Variants in INPP5B observed in about 807,000 individuals in gnomAD.
INPP5B encodes the protein inositol polyphosphate-5-phosphatase B, also known as type II inositol 1,4,5-trisphosphate 5-phosphatase.
A neutral mutation model predicts 118.5 loss-of-function variants in INPP5B; 90 were observed. The ratio of observed to expected loss-of-function variants is 0.76; its 90% CI spans 0.64 to 0.90. INPP5B has a LOEUF of 0.90. INPP5B is among the 40% of genes least tolerant of loss of function. The pLI, the probability that INPP5B is intolerant of heterozygous loss-of-function variation, is 0.00. For synonymous variants in INPP5B, 385 were observed against 418.9 expected (o/e 0.92, Z 0.99); for missense variants, 984 against 1,125.6 (o/e 0.87, Z 1.80).
intron 6 of INPP5B, among the ~76,000 whole-genome samples, chr1:37,935,200 CAA>C (rs537054117): frequency 2.0e-5 from 2 of 99,000 alleles, no homozygotes. Context: ...GACTCCATCT[CAA>C]AAAAAAAAAG....
Position 37,946,240 on chromosome 1 carries a change from C to T in INPP5B, c.57+12G>A, listed in dbSNP as rs371116949. ...GGCAGGCTCAGGGCCGCAGTTAGCACAGGAAGGATATGATGACGCAGTATT... is the reference window on the plus strand; with the variant it reads ...GGCAGGCTCAGGGCCGCAGTTAGCATAGGAAGGATATGATGACGCAGTATT... On this transcript the variant is annotated intron_variant, in intron 2 of 23. Transcript: ENST00000373024. 8.7e-5 allele frequency: 140 copies of T among 1,608,096 alleles called. No individual in the cohort carries two copies. The African/African-American group carries it at 1.7e-3, about 20-fold the overall frequency.
At chr1:37,915,623 C>G (rs550449513) in intron 7 of INPP5B, among the ~76,000 whole-genome samples, 3 of 152,202 alleles carry the variant, frequency 2.0e-5, no homozygotes, top group Non-Finnish European at 2.9e-5. Context: ...AGATACCACA[C>G]TTATAAATAT....
At position 37,931,972 on chromosome 1, in the gene INPP5B, G is replaced by T; in HGVS notation, c.473C>A (p.Thr158Lys). 1 of 1,613,990 alleles carries T rather than the reference G, an allele frequency of 6.2e-7. No individual in the cohort carries two copies. Among genetic ancestry groups the T allele is most frequent in the Non-Finnish European group, 8.5e-7 (1 of 1,179,998 alleles). ...TAGGGCCGAGTTACAACCGCGCGGC[G>T]TTGGCATCTCCAGCTCCAGCTCTGC... is the stretch of plus-strand genomic sequence containing the variant. ...RCAELELEMPTPRGCNSALVT... is the reference protein window; with the variant it reads ...RCAELELEMPKPRGCNSALVT... Residue 158 changes from threonine to lysine, a missense_variant, in exon 7 of 24, where the codon ACG (threonine) becomes AAG (lysine). Physicochemically the swap from Thr to Lys is moderately conservative, Grantham distance 78. Coordinates refer to ENST00000373024, the MANE Select transcript of INPP5B (RefSeq NM_005540.3).
intron 7 of INPP5B, among the ~76,000 whole-genome samples, chr1:37,896,657 C>T (rs1644095483): frequency 7.2e-6 from 1 of 138,896 alleles, no homozygotes; most frequent in Non-Finnish European, 1.6e-5. Context: ...GGCGCCTCTG[C>T]CCGGCCGCCC....
intron 19 of INPP5B, among the ~76,000 whole-genome samples, chr1:37,872,172 GT>G (rs1175527553): frequency 1.3e-5 from 2 of 150,468 alleles, no homozygotes; most frequent in Non-Finnish European, 2.9e-5. Context: ...TTCCAGACCT[GT>G]CTGACCAACG....
intron 6 of INPP5B, among the ~76,000 whole-genome samples, chr1:37,938,547 A>C (rs748078647): frequency 3.9e-5 from 6 of 152,128 alleles, no homozygotes; most frequent in Non-Finnish European, 5.9e-5. Context: ...GCCTACAAAA[A>C]CTAAAGTTCA....
rs756853976 is a variant in INPP5B, at chr1:37,862,373, A to G, written c.2684T>C (p.Met895Thr). 7 of 1,613,974 alleles carry G rather than the reference A, an allele frequency of 4.3e-6. No homozygotes were observed. The Admixed American group carries it at 8.3e-5, about 19-fold the overall frequency. Reference sequence around the variant, plus strand: ...TTCTTGAGCCTTCTTCTTCTCTGTCATATCAAGCTTTTGGTGACCAGCTGG... The same window carrying G: ...TTCTTGAGCCTTCTTCTTCTCTGTCGTATCAAGCTTTTGGTGACCAGCTGG... ...RNPAGHQKLD[M>T]TEKKKAQEFI... Residue 895 changes from methionine to threonine, a missense_variant, in exon 24 of 24, where the codon ATG becomes ACG. Physicochemically the swap from Met to Thr is moderately conservative, Grantham distance 81. Around this residue, in one of 2 missense-constraint regions of INPP5B, gnomAD observed 634 missense variants for 791.0 expected, o/e 0.80. Transcript: ENST00000373024.
At chr1:37,943,056 A>G (rs1262249920) in intron 5 of INPP5B, among the ~76,000 whole-genome samples, 1 of 151,026 alleles carries the variant, frequency 6.6e-6, no homozygotes, top group Non-Finnish European at 1.5e-5. Flanking sequence ...GCTGGAGTGC[A>G]ATGGTGCGAT....
At chr1:37,935,322 G>C (rs867361650) in intron 6 of INPP5B, among the ~76,000 whole-genome samples, 10 of 150,746 alleles carry the variant, frequency 6.6e-5, no homozygotes, top group Admixed American at 2.0e-4. Flanking sequence ...CTCCCGAGTA[G>C]CTGGGACTAC....
Position 37,878,320 on chromosome 1 carries a change from C to T in INPP5B, c.1545G>A (p.Glu515=). The T allele has an allele frequency of 6.2e-7, 1 of 1,613,940 alleles. No individual in the cohort carries two copies. The highest frequency in any genetic ancestry group is 2.2e-5 in the East Asian group (1 of 44,880). Residue 515 remains glutamate (E), a synonymous_variant, in exon 16 of 24, where the codon GAG becomes GAA. Coordinates refer to ENST00000373024, the MANE Select transcript of INPP5B (RefSeq NM_005540.3). ...CACACCAGGCAGGAGCACGGCACTT[C>T]TCACTGAAATGCAAAGTCCACACTG... ...DTGSDDWDTS[E]KCRAPAWCDR... is the part of the protein sequence containing the mutation.
intron 20 of INPP5B, among the ~76,000 whole-genome samples, chr1:37,867,600 T>C (rs1473534366): frequency 6.6e-6 from 1 of 152,162 alleles, no homozygotes; most frequent in East Asian, 1.9e-4. Context: ...CAACTTTCAA[T>C]AAATGTGAGG....
chr1:37,942,827 T>G (rs543788645), intron 5 of INPP5B, among the ~76,000 whole-genome samples: 2 of 151,252 alleles, frequency 1.3e-5, no homozygotes, highest in African/African-American at 4.9e-5. Flanking sequence ...GGGAATCACT[T>G]GAACCTGGGA....
At chr1:37,865,182 CAAAAAA>C (rs369656473) in intron 22 of INPP5B, among the ~76,000 whole-genome samples, 1 of 139,040 alleles carries the variant, frequency 7.2e-6, no homozygotes, top group East Asian at 2.1e-4. Context: ...GACTCCATCT[CAAAAAA>C]AAAAAAAGTG....
At chr1:37,934,029 G>A (rs1645595675) in intron 6 of INPP5B, among the ~76,000 whole-genome samples, 1 of 151,784 alleles carries the variant, frequency 6.6e-6, no homozygotes, top group Non-Finnish European at 1.5e-5. Flanking sequence ...CGCCTCCCGG[G>A]TTCAAATGAT....
At chr1:37,911,015 T>G (rs902045336) in intron 7 of INPP5B, among the ~76,000 whole-genome samples, 1 of 152,154 alleles carries the variant, frequency 6.6e-6, no homozygotes, top group African/African-American at 2.4e-5. Context: ...CCTTTTTCAT[T>G]ACACACAGCT....
At chr1:37,876,986 T>C (rs1412578613) in intron 16 of INPP5B, among the ~76,000 whole-genome samples, 2 of 151,592 alleles carry the variant, frequency 1.3e-5, no homozygotes, top group Admixed American at 1.3e-4. Context: ...GCCCAGCAGA[T>C]TGAGGCCGCA....
At position 37,872,370 on chromosome 1, in the gene INPP5B, C is replaced by CAAAA. The variant is rs371968500; in HGVS notation, c.2187+556_2187+559dup. 5.9e-5 allele frequency among the ~76,000 whole-genome samples: 6 copies of CAAAA among 102,086 alleles called. No homozygotes were observed. The East Asian group carries it at 1.1e-3, about 19-fold the overall frequency. 67.0% of individuals were successfully genotyped at this position (102,086 alleles called of 152,430 possible). The stretch of plus-strand genomic sequence containing the variant: ...GGGCAACAAGAGTGAAACTCCGTCT[C>CAAAA]AAAAAAAAAAAAAAAAAAGAAGTGG... On this transcript the variant is annotated intron_variant, in intron 19 of 23. Coordinates refer to ENST00000373024, the MANE Select transcript of INPP5B (RefSeq NM_005540.3).
In INPP5B at chr1:37,894,586, G is replaced by A. The variant is rs536102097; in HGVS notation, c.533-3132C>T. 6.3e-4 allele frequency among the ~76,000 whole-genome samples: 93 copies of A among 146,548 alleles called. No homozygotes were observed. In the Middle Eastern group the frequency reaches 0.018, roughly 28 times the overall value. ...CTTTTTTTTTTTTTTTTTTGAGACA[G>A]GGTCTCGCTCTGTTGCCCAGGCTGG... On this transcript the variant is annotated intron_variant, in intron 7 of 23. Coordinates refer to ENST00000373024, the MANE Select transcript of INPP5B (RefSeq NM_005540.3).
At position 37,932,041 on chromosome 1, in the gene INPP5B, G is replaced by A; in HGVS notation, c.404C>T (p.Ala135Val). ...VARACPGFDSATRDPEFLWLS... is the reference protein window; with the variant it reads ...VARACPGFDSVTRDPEFLWLS... ...CCACAGGAATTCAGGATCCCGGGTC[G>A]CAGAATCGAAGCCTGTGCAGGAACA... The change falls in exon 7 of 24, where the codon GCG becomes GTG. Residue 135 changes from alanine to valine, a missense_variant. By Grantham distance (64) the Ala-to-Val change is moderately conservative. Around this residue, in one of 2 missense-constraint regions of INPP5B, gnomAD observed 350 missense variants for 334.6 expected, o/e 1.05. Transcript: ENST00000373024. The A allele has an allele frequency of 1.3e-6, 2 of 1,597,778 alleles. No homozygotes were observed. The highest frequency in any genetic ancestry group is 1.7e-6 in the Non-Finnish European group (2 of 1,171,080).
Sources: gnomAD v4.1 joint callset for allele counts (sites outside exome capture counted in the v4.1 genomes callset) on GRCh38, gnomAD v4.1.1 for gene constraint, gnomAD v4.1.1 regional missense constraint, MANE v1.5 for transcripts, NCBI Gene and HGNC (gene_info 2026-07-23, HGNC 2026-07-21) for gene names.